Variants in TRAPPC9 observed in about 807,000 individuals in gnomAD.
TRAPPC9 encodes the protein trafficking protein particle complex subunit 9, also known as IKK2 binding protein.
TRAPPC9 carries 83 observed loss-of-function variants against 124.0 expected under a neutral mutation model. The observed-to-expected ratio is 0.67, with a 90% CI of 0.56 to 0.80. The LOEUF is 0.80. TRAPPC9 is among the 30% of genes least tolerant of loss of function. The pLI, the probability that TRAPPC9 is intolerant of heterozygous loss-of-function variation, is 0.00. For missense variants in TRAPPC9, 1,302 were observed against 1,508.3 expected, an observed-to-expected ratio of 0.86 and a Z score of 2.27; for synonymous variants, 638 against 617.5, an observed-to-expected ratio of 1.03 and a Z score of -0.49.
At chr8:139,980,478 G>A (rs564827650) in intron 19 of TRAPPC9, among the ~76,000 whole-genome samples, 47 of 152,296 alleles carry the variant, frequency 3.1e-4, no homozygotes, top group African/African-American at 9.9e-4. Flanking sequence ...GAGCCATGAC[G>A]TGCTCCAGCC....
At chr8:139,905,231 G>C (rs1831275680) in intron 20 of TRAPPC9, among the ~76,000 whole-genome samples, 1 of 152,084 alleles carries the variant, frequency 6.6e-6, no homozygotes, top group South Asian at 2.1e-4. Context: ...TCAAGCAGGA[G>C]AGGTCTGGGT....
intron 9 of TRAPPC9, among the ~76,000 whole-genome samples, chr8:140,324,006 T>A (rs1568607): frequency 1.3e-5 from 2 of 152,084 alleles, no homozygotes; most frequent in South Asian, 4.1e-4. Flanking sequence ...CCTAGCGATA[T>A]ACGCTGTACC....
At chr8:140,274,828 C>T (rs1387394298) in intron 15 of TRAPPC9, among the ~76,000 whole-genome samples, 1 of 152,170 alleles carries the variant, frequency 6.6e-6, no homozygotes, top group Non-Finnish European at 1.5e-5. Context: ...CTACTGGAAA[C>T]TTAACCAGAA....
chr8:139,853,921 T>C (rs778725453), intron 21 of TRAPPC9, among the ~76,000 whole-genome samples: 10 of 152,380 alleles, frequency 6.6e-5, no homozygotes, highest in Admixed American at 2.6e-4. Flanking sequence ...TACCTACATA[T>C]GTGTAGTTAT....
chr8:139,843,059 C>T (rs115033933), intron 21 of TRAPPC9, among the ~76,000 whole-genome samples: 2,671 of 152,298 alleles, frequency 0.018, 21 homozygotes, highest in African/African-American at 0.026. Context: ...AGCTGAAGGG[C>T]GGGGACTGGG....
chr8:140,118,938 T>C (rs940702665), intron 17 of TRAPPC9, among the ~76,000 whole-genome samples: 1 of 152,202 alleles, frequency 6.6e-6, no homozygotes, highest in African/African-American at 2.4e-5. Flanking sequence ...AAGCTTCCCC[T>C]AGGACAGTCC....
At chr8:140,440,223 T>C (rs1156239317) in intron 2 of TRAPPC9, among the ~76,000 whole-genome samples, 2 of 152,108 alleles carry the variant, frequency 1.3e-5, no homozygotes, top group African/African-American at 4.8e-5. Context: ...AAATACAGCA[T>C]CTAGCAGGGT....
At chr8:140,263,836 C>T (rs904907643) in intron 15 of TRAPPC9, among the ~76,000 whole-genome samples, 4 of 152,148 alleles carry the variant, frequency 2.6e-5, no homozygotes, top group African/African-American at 7.2e-5. Context: ...TAGAGGCTTC[C>T]GACTAGTCTG....
chr8:139,964,493 G>A (rs921891650), intron 19 of TRAPPC9, among the ~76,000 whole-genome samples: 5 of 152,070 alleles, frequency 3.3e-5, no homozygotes, highest in African/African-American at 1.2e-4. Context: ...AGTTCTACTC[G>A]AGGCTCTTCT....
At chr8:139,804,210 CCCA>C (rs1334412929) in intron 21 of TRAPPC9, among the ~76,000 whole-genome samples, 5 of 128,490 alleles carry the variant, frequency 3.9e-5, no homozygotes, top group African/African-American at 1.5e-4. Flanking sequence ...ACCGCCACCA[CCCA>C]CCACCAAGCA....
At chr8:140,309,137 T>G (rs1271962185) in intron 10 of TRAPPC9, among the ~76,000 whole-genome samples, 2 of 152,224 alleles carry the variant, frequency 1.3e-5, no homozygotes, top group Non-Finnish European at 2.9e-5. Flanking sequence ...GCCGAGGGAC[T>G]AAAATGTGAA....
chr8:139,757,155 C>T (rs1231466469), intron 21 of TRAPPC9, among the ~76,000 whole-genome samples: 3 of 122,396 alleles, frequency 2.5e-5, no homozygotes, highest in African/African-American at 3.4e-5. Flanking sequence ...GACAGCAGGT[C>T]GCAGGAGGAG....
chr8:140,159,783 C>A (rs2061713412), intron 17 of TRAPPC9, among the ~76,000 whole-genome samples: 3 of 152,192 alleles, frequency 2.0e-5, no homozygotes, highest in Non-Finnish European at 4.4e-5. Context: ...GAAAGGGCAG[C>A]CCTGTGTGGC....
At chr8:140,255,983 G>A (rs756145657) in intron 15 of TRAPPC9, among the ~76,000 whole-genome samples, 7 of 152,238 alleles carry the variant, frequency 4.6e-5, no homozygotes, top group Non-Finnish European at 8.8e-5. Context: ...AAAACTCAAA[G>A]TGGGAGATGG....
intron 9 of TRAPPC9, among the ~76,000 whole-genome samples, chr8:140,355,675 G>C (rs1041473450): frequency 6.6e-6 from 1 of 152,202 alleles, no homozygotes; most frequent in South Asian, 2.1e-4. Flanking sequence ...GGCCATAAAA[G>C]CAATGGCCAG....
chr8:140,230,732 CCACTGTG>C (rs2063571490), intron 16 of TRAPPC9, among the ~76,000 whole-genome samples: 1 of 151,982 alleles, frequency 6.6e-6, no homozygotes, highest in Non-Finnish European at 1.5e-5. Context: ...TGAGATCGCG[CCACTGTG>C]CACTCCAGCC....
intron 18 of TRAPPC9, among the ~76,000 whole-genome samples, chr8:139,997,181 A>C (rs1838055123): frequency 1.3e-5 from 2 of 152,220 alleles, no homozygotes; most frequent in Admixed American, 1.3e-4. Context: ...TACACAGAGG[A>C]GACAATGCAT....
intron 17 of TRAPPC9, among the ~76,000 whole-genome samples, chr8:140,190,643 A>G (rs1228639440): frequency 6.6e-6 from 1 of 152,260 alleles, no homozygotes; most frequent in Non-Finnish European, 1.5e-5. Context: ...GTTACACAAA[A>G]GGAGGCTGCA....
At chr8:139,955,243 T>C (rs1029602165) in intron 19 of TRAPPC9, among the ~76,000 whole-genome samples, 6 of 152,096 alleles carry the variant, frequency 3.9e-5, no homozygotes, top group Non-Finnish European at 7.4e-5. Context: ...GAAGGAATGA[T>C]CAGGGCCAGA....
Sources: allele counts gnomAD v4.1 joint callset (sites outside exome capture counted in the v4.1 genomes callset), GRCh38; gene constraint gnomAD v4.1.1; transcripts MANE v1.5; gene names NCBI Gene and HGNC (gene_info 2026-07-23, HGNC 2026-07-21).